Variants in TMPRSS11D observed in about 807,000 individuals in gnomAD.
The protein encoded by TMPRSS11D is transmembrane protease serine 11D.
A neutral mutation model predicts 44.4 loss-of-function variants in TMPRSS11D; 32 were observed. That is an observed-to-expected ratio of 0.72 (90% CI 0.54 to 0.97). The LOEUF is 0.97. Among genes scored for constraint, TMPRSS11D ranks in the 50% least tolerant of loss-of-function variants. The pLI is 0.00. For missense variants in TMPRSS11D, 446 were observed against 502.6 expected (o/e 0.89, Z 1.08); for synonymous variants, 179 against 177.9 (o/e 1.01, Z -0.05).
chr4:67,842,594 C>A lies in TMPRSS11D; in HGVS notation c.281G>T (p.Arg94Ile), dbSNP rs566774292. The change falls in exon 4 of 10, where the codon AGA (arginine) becomes ATA (isoleucine). Residue 94 changes from arginine to isoleucine, a missense_variant. Arg to Ile is a moderately conservative substitution (Grantham distance 97, BLOSUM62 -3). Transcript: ENST00000283916. Reference sequence around the variant, plus strand: ...AACATGAGCTCTGATGAACTGATTTCTTAAATTTGATTCTTTGAATGTTTT... The same window carrying A: ...AACATGAGCTCTGATGAACTGATTTATTAAATTTGATTCTTTGAATGTTTT... Reference protein sequence around the residue: ...ITKTFKESNLRNQFIRAHVAK... With the variant: ...ITKTFKESNLINQFIRAHVAK... 1.4e-5 allele frequency: 22 copies of A among 1,606,250 alleles called. No individual in the cohort carries two copies. The Admixed American group carries it at 3.8e-4, about 28-fold the overall frequency.
chr4:67,835,292 A>T (rs941772610), intron 5 of TMPRSS11D, among the ~76,000 whole-genome samples, 171 bp from the exon 6 acceptor site: 1 of 151,802 alleles, frequency 6.6e-6, no homozygotes, highest in Non-Finnish European at 1.5e-5. Context: ...TGCTGAAACG[A>T]TCTCTAACTC....
At chr4:67,870,324 C>G (rs1422980407) in intron 1 of TMPRSS11D, among the ~76,000 whole-genome samples, 2 of 152,164 alleles carry the variant, frequency 1.3e-5, no homozygotes, top group African/African-American at 4.8e-5. Flanking sequence ...CCTCCATATC[C>G]TATTCCAGAC....
chr4:67,882,184 A>T (rs1719336058), intron 1 of TMPRSS11D, among the ~76,000 whole-genome samples: 1 of 152,162 alleles, frequency 6.6e-6, no homozygotes, highest in Admixed American at 6.5e-5. Flanking sequence ...AAAGCAATCA[A>T]ACCATCCAAG....
chr4:67,821,602 A>G lies in TMPRSS11D; in HGVS notation c.*735T>C, dbSNP rs977754637. On this transcript the variant is annotated 3_prime_UTR_variant, in exon 10 of 10. Transcript: ENST00000283916. Reference sequence around the variant, plus strand: ...TTCTTAGCTTCTCTATAAAATAGATATAGTCTCTCCTTTATGTAGATGAGT... The same window carrying G: ...TTCTTAGCTTCTCTATAAAATAGATGTAGTCTCTCCTTTATGTAGATGAGT... 1.3e-5 allele frequency: 2 copies of G among 152,170 alleles called. No homozygotes were observed. Among genetic ancestry groups the G allele is most frequent in the Non-Finnish European group, 1.5e-5 (1 of 68,032 alleles). 9.4% of individuals were successfully genotyped at this position (152,170 alleles called of 1,614,324 possible).
At chr4:67,842,491 T>A in intron 4 of TMPRSS11D, 67 bp downstream of exon 4, 1 of 1,281,588 alleles carries the variant, frequency 7.8e-7, no homozygotes, top group Non-Finnish European at 1.1e-6. Context: ...CTATTCATTC[T>A]GTGACAAAAA....
chr4:67,878,036 A>G (rs541089815), intron 1 of TMPRSS11D, among the ~76,000 whole-genome samples: 1 of 152,230 alleles, frequency 6.6e-6, no homozygotes, highest in Admixed American at 6.5e-5. Flanking sequence ...TAATTTATAA[A>G]GAAAAAAATT....
At chr4:67,822,633 A>G (rs983639703) in intron 9 of TMPRSS11D, 135 bp from the exon 10 acceptor site, 1 of 963,544 alleles carries the variant, frequency 1.0e-6, no homozygotes, top group African/African-American at 1.6e-5. Context: ...CTTTTGAAAT[A>G]TTATACCAAG....
At chr4:67,875,106 G>A (rs974620368) in intron 1 of TMPRSS11D, among the ~76,000 whole-genome samples, 1 of 152,260 alleles carries the variant, frequency 6.6e-6, no homozygotes, top group Admixed American at 6.5e-5. Flanking sequence ...AAGCTTCTCA[G>A]TTTTATTTTC....
chr4:67,833,058 T>C (rs1717985216), intron 7 of TMPRSS11D, 146 bp downstream of exon 7: 2 of 742,066 alleles, frequency 2.7e-6, no homozygotes, highest in Non-Finnish European at 1.9e-6. Flanking sequence ...AAAAATCCTT[T>C]TCCTTTCATG....
At chr4:67,863,328 C>CAAAAAAA (rs561420216) in intron 1 of TMPRSS11D, among the ~76,000 whole-genome samples, 7 of 89,178 alleles carry the variant, frequency 7.8e-5, no homozygotes, top group African/African-American at 2.3e-4. Context: ...TGGTCTTGCT[C>CAAAAAAA]AAAAAAAAAA....
Position 67,822,331 on chromosome 4 carries a change from G to T in TMPRSS11D, c.*6C>A, listed in dbSNP as rs1691203079. On this transcript the variant is annotated 3_prime_UTR_variant, in exon 10 of 10. Transcript: ENST00000283916. ...CAGACTTTGCAACAGGGATGCACTT[G>T]TTGCACTAGATCCCAGTTTGTTGCC... is the stretch of plus-strand genomic sequence containing the variant. 6.2e-7 allele frequency: 1 copy of T among 1,613,540 alleles called. No homozygotes were observed. The highest frequency in any genetic ancestry group is 8.5e-7 in the Non-Finnish European group (1 of 1,179,572).
chr4:67,865,750 C>T (rs1718910893), intron 1 of TMPRSS11D, among the ~76,000 whole-genome samples: 1 of 151,722 alleles, frequency 6.6e-6, no homozygotes, highest in East Asian at 1.9e-4. Flanking sequence ...AAACATGTAA[C>T]CAGGTAGAAA....
At chr4:67,846,154 A>G (rs551328234) in intron 3 of TMPRSS11D, among the ~76,000 whole-genome samples, 19 of 152,292 alleles carry the variant, frequency 1.2e-4, no homozygotes, top group South Asian at 8.3e-4. Context: ...GAGATAAAAT[A>G]TGTGGCAATA....
chr4:67,849,782 C>T (rs367716636), intron 3 of TMPRSS11D, among the ~76,000 whole-genome samples: 12 of 152,064 alleles, frequency 7.9e-5, no homozygotes, highest in African/African-American at 2.9e-4. Flanking sequence ...ATAGAGATAA[C>T]AATAATACTC....
At chr4:67,883,687 G>A (rs113350133) in intron 1 of TMPRSS11D, among the ~76,000 whole-genome samples, 12 of 152,084 alleles carry the variant, frequency 7.9e-5, no homozygotes, top group African/African-American at 2.6e-4. Flanking sequence ...TTGTCATAAC[G>A]CTAAGCTAAG....
At chr4:67,827,624 A>G (rs1188236250) in intron 7 of TMPRSS11D, 104 bp from the exon 8 acceptor site, 10 of 1,246,586 alleles carry the variant, frequency 8.0e-6, no homozygotes, top group Non-Finnish European at 1.1e-5. Context: ...AAACTATTGG[A>G]TCCACATCTC....
In TMPRSS11D at chr4:67,874,766, C is replaced by A. The variant is rs921379393; in HGVS notation, c.8+9160G>T. On this transcript the variant is annotated intron_variant, in intron 1 of 9. Transcript: ENST00000283916. ...CAGAGGAGATGATAGAGTAGGGAAT[C>A]CAGAAATTTACTGAAATTATTTTCT... Among the ~76,000 whole-genome samples the A allele has an allele frequency of 5.1e-4, 78 of 152,008 alleles. 1 individual carries two copies. Among genetic ancestry groups the A allele is most frequent in the African/African-American group, 1.9e-3 (77 of 41,396 alleles).
At position 67,867,465 on chromosome 4, in the gene TMPRSS11D, A is replaced by G. The variant is rs1313791722; in HGVS notation, c.9-7787T>C. 3.3e-5 allele frequency among the ~76,000 whole-genome samples: 5 copies of G among 152,166 alleles called. No homozygotes were observed. The East Asian group carries it at 9.6e-4, about 29-fold the overall frequency. On this transcript the variant is annotated intron_variant, in intron 1 of 9. Transcript: ENST00000283916. ...TCCTCAAAAGCAAATGCAACAAAAT[A>G]AAAATAGACAAATGATACTTACTTA...
At position 67,821,962 on chromosome 4, in the gene TMPRSS11D, A is replaced by G. The variant is rs1214229750; in HGVS notation, c.*375T>C. 3.1e-5 allele frequency: 5 copies of G among 161,172 alleles called. No homozygotes were observed. Among genetic ancestry groups the G allele is most frequent in the African/African-American group, 1.2e-4 (5 of 41,858 alleles). 10.0% of individuals were successfully genotyped at this position (161,172 alleles called of 1,614,324 possible). On this transcript the variant is annotated 3_prime_UTR_variant, in exon 10 of 10. Coordinates refer to ENST00000283916, the MANE Select transcript of TMPRSS11D (RefSeq NM_004262.3). ...CACAGTTTGCTTACTTCTCATCCTCAGTGAAACCCAGAGAAGACCCCTCTG... is the reference window on the plus strand; with the variant it reads ...CACAGTTTGCTTACTTCTCATCCTCGGTGAAACCCAGAGAAGACCCCTCTG...
Sources: allele counts gnomAD v4.1 joint callset (sites outside exome capture counted in the v4.1 genomes callset), GRCh38; gene constraint gnomAD v4.1.1; transcripts MANE v1.5; gene names NCBI Gene and HGNC (gene_info 2026-07-23, HGNC 2026-07-21).